Variants in GCG observed in about 807,000 individuals in gnomAD.
GCG encodes pro-glucagon.
A neutral mutation model predicts 22.8 loss-of-function variants in GCG; 11 were observed. That is an observed-to-expected ratio of 0.48 (90% CI 0.30 to 0.80). The LOEUF (loss-of-function observed/expected upper bound fraction) is 0.80. Among genes scored for constraint, GCG ranks in the 30% least tolerant of loss-of-function variants. The probability of loss-of-function intolerance (pLI) is 0.06; values close to 1 mark genes in which losing one functional copy is unlikely to be tolerated. For synonymous variants in GCG, 89 were observed against 72.4 expected, an observed-to-expected ratio of 1.23 and a Z score of -1.16; for missense variants, 222 against 222.0, an observed-to-expected ratio of 1.00 and a Z score of 0.00.
chr2:162,149,053 T>C (rs755048176), intron 2 of GCG, 34 bp downstream of exon 2: 2 of 1,254,788 alleles, frequency 1.6e-6, no homozygotes, highest in Non-Finnish European at 2.3e-6. Flanking sequence ...TCCAACCATA[T>C]TGATATGTTA....
chr2:162,147,304 CT>C, intron 3 of GCG, 48 bp downstream of exon 3: 1 of 1,386,154 alleles, frequency 7.2e-7, no homozygotes, highest in Non-Finnish European at 1.0e-6. Context: ...AATTTTAGAC[CT>C]ATTTAATACA....
At chr2:162,146,176 G>T (rs1184617085) in intron 3 of GCG, among the ~76,000 whole-genome samples, 1 of 152,148 alleles carries the variant, frequency 6.6e-6, no homozygotes, top group Non-Finnish European at 1.5e-5. Context: ...AAGCAAAGAA[G>T]ATGACCCCAT....
chr2:162,148,965 A>G (rs996945063), intron 2 of GCG, 122 bp downstream of exon 2: 3 of 633,222 alleles, frequency 4.7e-6, no homozygotes, highest in Non-Finnish European at 8.4e-6. Context: ...GATACTTTAA[A>G]CATTTGATCA....
intron 2 of GCG, 115 bp from the exon 3 acceptor site, chr2:162,147,629 A>T: frequency 1.1e-6 from 1 of 905,116 alleles, no homozygotes; most frequent in Non-Finnish European, 1.9e-6. Context: ...AGGCATCTAG[A>T]GTATTTCAAT....
chr2:162,146,179 G>T (rs146302138), intron 3 of GCG, among the ~76,000 whole-genome samples: 12 of 152,250 alleles, frequency 7.9e-5, no homozygotes, highest in Admixed American at 7.8e-4. Context: ...CAAAGAAGAT[G>T]ACCCCATATC....
rs963358444 is a variant in GCG at position 162,142,988 on chromosome 2, G to A, written c.*376C>T. Reference sequence around the variant, plus strand: ...TTCTCTTTCCAATTTCACCACTGTGGCTACCAGTTCTTCTATTCTCCTATT... The same window carrying A: ...TTCTCTTTCCAATTTCACCACTGTGACTACCAGTTCTTCTATTCTCCTATT... On this transcript the variant is annotated 3_prime_UTR_variant, in exon 6 of 6. Coordinates refer to ENST00000418842, the MANE Select transcript of GCG (RefSeq NM_002054.5). 6.0e-6 allele frequency: 1 copy of A among 165,808 alleles called. No homozygotes were observed. The highest frequency in any genetic ancestry group is 1.3e-5 in the Non-Finnish European group (1 of 77,300). The allele number at this position is 165,808 out of a possible 1,614,324, so 10.3% of individuals were successfully genotyped here.
intron 1 of GCG, among the ~76,000 whole-genome samples, chr2:162,150,262 A>G (rs899021379): frequency 6.6e-6 from 1 of 152,162 alleles, no homozygotes; most frequent in African/African-American, 2.4e-5. Context: ...ATTTCAATCC[A>G]AGTTTGACTA....
chr2:162,151,604 T>C (rs1334885853), intron 1 of GCG, among the ~76,000 whole-genome samples: 2 of 152,186 alleles, frequency 1.3e-5, no homozygotes, highest in Non-Finnish European at 2.9e-5. Flanking sequence ...AAGTACGCTA[T>C]GTTTTATTTA....
rs773010623 is a variant in GCG at position 162,149,204 on chromosome 2, T to C, written c.-9-17A>G. 1 of 1,472,122 alleles carries C rather than the reference T, an allele frequency of 6.8e-7. No individual in the cohort carries two copies. The highest frequency in any genetic ancestry group is 1.1e-5 in the South Asian group (1 of 87,994). 91.2% of individuals were successfully genotyped at this position (1,472,122 alleles called of 1,614,324 possible). Reference sequence around the variant, plus strand: ...TTCTGCTGTCTGTCAGAACACAGAATGGGGGTAGGGTGAGGGGGGCAGGCA... The same window carrying C: ...TTCTGCTGTCTGTCAGAACACAGAACGGGGGTAGGGTGAGGGGGGCAGGCA... On this transcript the variant is annotated splice_polypyrimidine_tract_variant and intron_variant, in intron 1 of 5. Coordinates refer to ENST00000418842, the MANE Select transcript of GCG (RefSeq NM_002054.5).
In GCG at chr2:162,144,036, A is replaced by AT; in HGVS notation, c.526dup (p.Ile176AsnfsTer3). The AT allele has an allele frequency of 6.2e-7, 1 of 1,613,108 alleles. No individual in the cohort carries two copies. The highest frequency in any genetic ancestry group is 8.5e-7 in the Non-Finnish European group (1 of 1,179,292). ...ACTAAAAAGCAGTCACCTGTCAGTG[A>AT]TTTTGGTCTGAATCAACCAGTTTAT... On this transcript the variant is annotated frameshift_variant, in exon 5 of 6. Coordinates refer to ENST00000418842, the MANE Select transcript of GCG (RefSeq NM_002054.5). LOFTEE classifies it high-confidence loss of function.
At chr2:162,147,537 C>A (rs1235761958) in intron 2 of GCG, 23 bp from the exon 3 acceptor site, 8 of 1,608,702 alleles carry the variant, frequency 5.0e-6, no homozygotes, top group Non-Finnish European at 6.0e-6. Flanking sequence ...GTGATTGGTA[C>A]AACATAAATC....
At chr2:162,149,847 C>T (rs1050345067) in intron 1 of GCG, among the ~76,000 whole-genome samples, 2 of 152,008 alleles carry the variant, frequency 1.3e-5, no homozygotes, top group Non-Finnish European at 2.9e-5. Context: ...CAATTTGCAA[C>T]AAGAACTAAT....
intron 3 of GCG, 38 bp from the exon 4 acceptor site, chr2:162,145,715 CTT>C: frequency 6.3e-7 from 1 of 1,592,116 alleles, no homozygotes; most frequent in Non-Finnish European, 8.6e-7. Context: ...AGATCTGTCT[CTT>C]TGGCAATATG....
At chr2:162,150,216 T>C (rs1284127862) in intron 1 of GCG, among the ~76,000 whole-genome samples, 1 of 152,178 alleles carries the variant, frequency 6.6e-6, no homozygotes, top group Non-Finnish European at 1.5e-5. Flanking sequence ...TCTCGGCTAC[T>C]TTGAAACCCA....
At chr2:162,151,622 T>C (rs1466158843) in intron 1 of GCG, among the ~76,000 whole-genome samples, 1 of 152,104 alleles carries the variant, frequency 6.6e-6, no homozygotes, top group African/African-American at 2.4e-5. Flanking sequence ...TTACAAAGAG[T>C]TGCTTTAATG....
At chr2:162,144,658 AT>A (rs1686636912) in intron 4 of GCG, 1 of 152,252 alleles carries the variant, frequency 6.6e-6, no homozygotes, top group Non-Finnish European at 1.5e-5. Context: ...GTGAGAAACT[AT>A]TTTACCATTG....
rs749633305 is a variant in GCG at position 162,149,067 on chromosome 2, C to A, written c.92+20G>T. ...TTCCAACCATATTGATATGTTAGTT[C>A]GAGACTACGGATTTAATACCTGGAT... On this transcript the variant is annotated intron_variant, in intron 2 of 5. Coordinates refer to ENST00000418842, the MANE Select transcript of GCG (RefSeq NM_002054.5). The A allele has an allele frequency of 6.8e-7, 1 of 1,476,218 alleles. No homozygotes were observed. Among genetic ancestry groups the A allele is most frequent in the Admixed American group, 1.7e-5 (1 of 59,362 alleles). The allele number at this position is 1,476,218 out of a possible 1,614,324, so 91.4% of individuals were successfully genotyped here.
At chr2:162,152,060 T>G (rs1686853835) in intron 1 of GCG, 98 bp downstream of exon 1, 1 of 152,482 alleles carries the variant, frequency 6.6e-6, no homozygotes, top group Admixed American at 6.5e-5. Flanking sequence ...TAATAAAGTC[T>G]AAGATGAAAG....
intron 2 of GCG, 144 bp from the exon 3 acceptor site, chr2:162,147,658 T>C: frequency 1.3e-6 from 1 of 787,554 alleles, no homozygotes; most frequent in Admixed American, 1.7e-5. Context: ...TAGAAAGATC[T>C]TCCTTAGCTT....
Sources: gnomAD v4.1 joint callset for allele counts (sites outside exome capture counted in the v4.1 genomes callset) on GRCh38, gnomAD v4.1.1 for gene constraint, MANE v1.5 for transcripts, NCBI Gene and HGNC (gene_info 2026-07-23, HGNC 2026-07-21) for gene names.